Variants in PDE4B observed in about 807,000 individuals in gnomAD.
PDE4B encodes 3',5'-cyclic-AMP phosphodiesterase 4B.
PDE4B carries 20 observed loss-of-function variants against 82.2 expected under a neutral mutation model. The ratio of observed to expected loss-of-function variants is 0.24; its 90% CI spans 0.17 to 0.35. The LOEUF (loss-of-function observed/expected upper bound fraction) is 0.35, where lower values mean the gene tolerates loss of function less well. Among genes scored for constraint, PDE4B ranks in the 10% least tolerant of loss-of-function variants. PDE4B has a pLI of 1.00. For missense variants in PDE4B, 655 were observed against 907.2 expected (o/e 0.72, Z 3.57); for synonymous variants, 320 against 318.9 (o/e 1.00, Z -0.04).
chr1:65,839,680 A>C (rs917631833), intron 1 of PDE4B, among the ~76,000 whole-genome samples: 3 of 152,130 alleles, frequency 2.0e-5, no homozygotes, highest in African/African-American at 7.2e-5. Flanking sequence ...ATTGATTAGC[A>C]TTTGAGTTGG....
intron 3 of PDE4B, among the ~76,000 whole-genome samples, chr1:66,109,846 C>T (rs938564209): frequency 3.3e-5 from 5 of 151,794 alleles, no homozygotes; most frequent in African/African-American, 1.2e-4. Flanking sequence ...CACCCTTTTC[C>T]TCTCATTAGT....
intron 3 of PDE4B, among the ~76,000 whole-genome samples, chr1:66,236,553 C>A (rs1042729933): frequency 2.0e-5 from 3 of 152,078 alleles, no homozygotes; most frequent in Non-Finnish European, 4.4e-5. Context: ...TGAATTCCTT[C>A]AACTTTCATA....
chr1:66,180,402 T>A (rs148541784), intron 3 of PDE4B, among the ~76,000 whole-genome samples: 113 of 151,618 alleles, frequency 7.5e-4, no homozygotes, highest in South Asian at 1.3e-3. Context: ...AGGAACAGAG[T>A]TTTTTCATAA....
chr1:66,040,084 A>G (rs1474115318), intron 3 of PDE4B, among the ~76,000 whole-genome samples: 3 of 152,030 alleles, frequency 2.0e-5, no homozygotes, highest in African/African-American at 7.2e-5. Flanking sequence ...CTCCTGTTAG[A>G]GAAGATAGTT....
intron 3 of PDE4B, among the ~76,000 whole-genome samples, chr1:66,053,639 A>G (rs1230739981): frequency 6.6e-6 from 1 of 151,998 alleles, no homozygotes; most frequent in Non-Finnish European, 1.5e-5. Flanking sequence ...GGGCAGGATC[A>G]CCTGAGGTTA....
intron 7 of PDE4B, among the ~76,000 whole-genome samples, chr1:66,323,682 A>G (rs1470882563): frequency 6.6e-6 from 1 of 152,192 alleles, no homozygotes; most frequent in African/African-American, 2.4e-5. Flanking sequence ...CAGATGCTAC[A>G]GCCCATTAAA....
rs774241379 is a variant in PDE4B at position 66,247,610 on chromosome 1, G to T, written c.432G>T (p.Leu144Phe). 3.1e-6 allele frequency: 5 copies of T among 1,602,424 alleles called. No homozygotes were observed. The highest frequency in any genetic ancestry group is 3.4e-6 in the Non-Finnish European group (4 of 1,174,610). Residue 144 changes from leucine to phenylalanine, a missense_variant, in exon 4 of 17, where the codon TTG becomes TTT. Physicochemically the swap from Leu to Phe is conservative, Grantham distance 22. Around this residue, in one of 3 missense-constraint regions of PDE4B, gnomAD observed 253 missense variants for 275.6 expected, o/e 0.92. Transcript: ENST00000341517. ...ACAGATCAGACAGCGACTATGACTT[G>T]TCACCAAAGGCGATGTCGAGAAACT... is the stretch of plus-strand genomic sequence containing the variant. ...FLYRSDSDYD[L>F]SPKAMSRNSS...
chr1:66,151,390 T>C, intron 3 of PDE4B, among the ~76,000 whole-genome samples: 1 of 152,186 alleles, frequency 6.6e-6, no homozygotes, highest in East Asian at 1.9e-4. Flanking sequence ...CTCCTGTCAC[T>C]ATTTCTCTCA....
At chr1:66,322,960 T>C (rs1056100553) in intron 7 of PDE4B, among the ~76,000 whole-genome samples, 1 of 152,270 alleles carries the variant, frequency 6.6e-6, no homozygotes, top group Admixed American at 6.5e-5. Context: ...AACTCGTGTA[T>C]GTCTTCCTGT....
intron 3 of PDE4B, among the ~76,000 whole-genome samples, chr1:65,953,899 T>C (rs1314648949): frequency 6.6e-6 from 1 of 152,006 alleles, no homozygotes; most frequent in African/African-American, 2.4e-5. Context: ...TACAATTTAT[T>C]ATTATTATTT....
intron 1 of PDE4B, among the ~76,000 whole-genome samples, chr1:65,833,172 T>C (rs967504899): frequency 1.3e-5 from 2 of 152,226 alleles, no homozygotes; most frequent in Non-Finnish European, 2.9e-5. Flanking sequence ...TAAAAATTTA[T>C]AGATTGGTGA....
At chr1:66,324,046 A>G (rs1028867322) in intron 7 of PDE4B, among the ~76,000 whole-genome samples, 15 of 152,170 alleles carry the variant, frequency 9.9e-5, no homozygotes, top group Non-Finnish European at 1.9e-4. Flanking sequence ...GTTAGCATAT[A>G]AATGCCAAAG....
At chr1:66,189,377 C>T (rs1439495910) in intron 3 of PDE4B, among the ~76,000 whole-genome samples, 1 of 152,148 alleles carries the variant, frequency 6.6e-6, no homozygotes, top group Non-Finnish European at 1.5e-5. Context: ...TGAATGTTGG[C>T]CTACCTTGCT....
intron 8 of PDE4B, among the ~76,000 whole-genome samples, chr1:66,333,149 T>TA (rs1317305742): frequency 6.6e-6 from 1 of 152,194 alleles, no homozygotes; most frequent in Non-Finnish European, 1.5e-5. Context: ...TGGCATGACC[T>TA]AAGATAAAAA....
chr1:66,319,116 T>C (rs1048862198), intron 7 of PDE4B, among the ~76,000 whole-genome samples: 4 of 152,202 alleles, frequency 2.6e-5, no homozygotes, highest in African/African-American at 4.8e-5. Context: ...CAATGCGATT[T>C]TCATAAAGTG....
intron 7 of PDE4B, among the ~76,000 whole-genome samples, chr1:66,283,047 A>G (rs934563458): frequency 6.6e-6 from 1 of 152,264 alleles, no homozygotes; most frequent in Middle Eastern, 3.4e-3. Context: ...ACATTCATTG[A>G]GTGCTTATGA....
chr1:66,285,649 C>T (rs1656624105), intron 7 of PDE4B, among the ~76,000 whole-genome samples: 1 of 152,056 alleles, frequency 6.6e-6, no homozygotes, highest in African/African-American at 2.4e-5. Context: ...TCCAGTTCCA[C>T]TCATGTTGCT....
At chr1:65,808,286 C>T (rs1292222497) in intron 1 of PDE4B, among the ~76,000 whole-genome samples, 5 of 151,846 alleles carry the variant, frequency 3.3e-5, no homozygotes, top group Non-Finnish European at 1.5e-5. Flanking sequence ...ACCCTCCTGC[C>T]TCAACCTCCC....
intron 3 of PDE4B, among the ~76,000 whole-genome samples, chr1:65,939,942 A>C (rs1557446245): frequency 6.6e-6 from 1 of 152,178 alleles, no homozygotes; most frequent in Admixed American, 6.6e-5. Flanking sequence ...TTGGTTAATT[A>C]TTTGATAAAG....
Sources: gnomAD v4.1 joint callset for allele counts (sites outside exome capture counted in the v4.1 genomes callset) on GRCh38, gnomAD v4.1.1 for gene constraint, gnomAD v4.1.1 regional missense constraint, MANE v1.5 for transcripts, NCBI Gene and HGNC (gene_info 2026-07-23, HGNC 2026-07-21) for gene names.